RGMB: variants seen among roughly 807,000 people sequenced by gnomAD.
The protein encoded by RGMB is repulsive guidance molecule BMP co-receptor b, also known as repulsive guidance molecule B.
RGMB carries 16 observed loss-of-function variants against 26.9 expected under a neutral mutation model. The ratio of observed to expected loss-of-function variants is 0.60; its 90% CI spans 0.40 to 0.90. RGMB has a LOEUF of 0.90. Ranked by LOEUF, RGMB falls within the 40% of genes least tolerant of loss-of-function variation. The pLI is 0.00. For missense variants in RGMB, 512 were observed against 573.3 expected (o/e 0.89, Z 1.09); for synonymous variants, 225 against 229.3 (o/e 0.98, Z 0.17).
At chr5:98,783,711 A>T (rs768665597) in intron 2 of RGMB, among the ~76,000 whole-genome samples, 3 of 152,242 alleles carry the variant, frequency 2.0e-5, no homozygotes, top group Admixed American at 6.5e-5. Context: ...TTTATGAAAG[A>T]TTCTGCACTT....
At chr5:98,784,468 T>G (rs1194029016) in intron 2 of RGMB, among the ~76,000 whole-genome samples, 2 of 152,202 alleles carry the variant, frequency 1.3e-5, no homozygotes, top group African/African-American at 4.8e-5. Flanking sequence ...GAAACACCAT[T>G]ACCTTGTAGG....
At chr5:98,770,745 CTCCTT>C, upstream of RGMB, 4 of 939,380 alleles carry the variant, frequency 4.3e-6, no homozygotes, top group South Asian at 5.5e-5. Flanking sequence ...CTTATTTTCT[CTCCTT>C]TCCTTTCCTT....
intron 2 of RGMB, among the ~76,000 whole-genome samples, chr5:98,789,008 C>T (rs1214059233): frequency 6.6e-6 from 1 of 152,206 alleles, no homozygotes; most frequent in African/African-American, 2.4e-5. Context: ...TTCTATTTTT[C>T]AACCTATCAT....
Position 98,793,846 on chromosome 5 carries a change from G to GGTATATACA in RGMB, c.*93_*94insGTATATACA. The stretch of plus-strand genomic sequence containing the variant: ...ATATATTGAGTAAAAGAGTATATAT[G>GGTATATACA]TATATACCATGTATATGACAGGATG... On this transcript the variant is annotated 3_prime_UTR_variant, in exon 3 of 3. Coordinates refer to ENST00000513185, the MANE Select transcript of RGMB (RefSeq NM_001366508.1). The GGTATATACA allele has an allele frequency of 4.3e-6, 4 of 934,034 alleles. No individual in the cohort carries two copies. Among genetic ancestry groups the GGTATATACA allele is most frequent in the Non-Finnish European group, 6.2e-6 (4 of 640,666 alleles). 57.9% of individuals were successfully genotyped at this position (934,034 alleles called of 1,614,324 possible). A position where few individuals can be genotyped will look rare whatever the true frequency, so the allele number is the denominator to read the frequency against.
intron 2 of RGMB, among the ~76,000 whole-genome samples, chr5:98,789,518 C>T (rs1746862345): frequency 6.6e-6 from 1 of 151,834 alleles, no homozygotes; most frequent in African/African-American, 2.4e-5. Context: ...AGGCAGGTGC[C>T]TCTTAAAATT....
At chr5:98,787,187 AC>A (rs1746789966) in intron 2 of RGMB, among the ~76,000 whole-genome samples, 1 of 152,186 alleles carries the variant, frequency 6.6e-6, no homozygotes, top group African/African-American at 2.4e-5. Flanking sequence ...ATGCATGGTA[AC>A]CATTCTAACC....
chr5:98,776,066 A>C (rs1402646725), intron 1 of RGMB, among the ~76,000 whole-genome samples: 1 of 152,240 alleles, frequency 6.6e-6, no homozygotes, highest in African/African-American at 2.4e-5. Flanking sequence ...ATTCAGCTTC[A>C]GAATACCTCA....
At chr5:98,787,077 G>A (rs1450321645) in intron 2 of RGMB, among the ~76,000 whole-genome samples, 5 of 152,188 alleles carry the variant, frequency 3.3e-5, no homozygotes, top group Non-Finnish European at 7.3e-5. Flanking sequence ...GTACATGCAT[G>A]TGCTTTTACA....
At position 98,773,677 on chromosome 5, in the gene RGMB, G is replaced by A. The variant is rs2547972; in HGVS notation, c.-394G>A. On this transcript the variant is annotated 5_prime_UTR_variant, in exon 1 of 3. Coordinates refer to ENST00000513185, the MANE Select transcript of RGMB (RefSeq NM_001366508.1). ...GGGGCTGCCGCGCAGAGATATCCGG[G>A]CCGCCGGTGGGTGGTCGCTAGGGCT... The A allele has an allele frequency of 0.5, 176,953 of 356,186 alleles. 47,011 individuals carry two copies. Among genetic ancestry groups the A allele is most frequent in the East Asian group, 0.68 (16,057 of 23,654 alleles). 22.1% of individuals were successfully genotyped at this position (356,186 alleles called of 1,614,324 possible).
At chr5:98,772,855 T>C (rs913137301), upstream of RGMB, 2 of 152,188 alleles carry the variant, frequency 1.3e-5, no homozygotes, top group Non-Finnish European at 2.9e-5. Flanking sequence ...ATAATTACAC[T>C]GCATAAAAAC....
At position 98,796,289 on chromosome 5, in the gene RGMB, T is replaced by C. The variant is rs1017818449; in HGVS notation, c.*2536T>C. 1.4e-5 allele frequency: 2 copies of C among 147,816 alleles called. No individual in the cohort carries two copies. The highest frequency in any genetic ancestry group is 2.5e-5 in the African/African-American group (1 of 39,716). The allele number at this position is 147,816 out of a possible 1,614,324, so 9.2% of individuals were successfully genotyped here. A position where few individuals can be genotyped will look rare whatever the true frequency, so the allele number is the denominator to read the frequency against. On this transcript the variant is annotated 3_prime_UTR_variant, in exon 3 of 3. Transcript: ENST00000513185. ...CACAGATGCTCCACATGGCTGTCTT[T>C]AAAAGACTCAAAACTTTTTTTTGTC...
In RGMB at chr5:98,793,136, CA is replaced by C. The variant is rs752413869; in HGVS notation, c.699del (p.Ala234LeufsTer2). 2 of 1,613,812 alleles carry C rather than the reference CA, an allele frequency of 1.2e-6. No homozygotes were observed. Among genetic ancestry groups the C allele is most frequent in the Non-Finnish European group, 1.7e-6 (2 of 1,179,752 alleles). On this transcript the variant is annotated frameshift_variant, in exon 3 of 3. Coordinates refer to ENST00000513185, the MANE Select transcript of RGMB (RefSeq NM_001366508.1). LOFTEE classifies it high-confidence loss of function. ...TGAGTGTACAGATCAGAAAGTCTAC[CA>C]AGCTGTGACAGATGACCTGCCGGCC... ...HHECTDQKVY[Q>X]AVTDDLPAAF... is the part of the protein sequence containing the mutation.
intron 1 of RGMB, among the ~76,000 whole-genome samples, chr5:98,775,257 G>A (rs974762517): frequency 1.3e-5 from 2 of 152,108 alleles, no homozygotes; most frequent in African/African-American, 4.8e-5. Flanking sequence ...AAATCAGGGA[G>A]GTCTTTTAAG....
At chr5:98,768,632 G>T (rs1458211434), upstream of RGMB, 2 of 152,194 alleles carry the variant, frequency 1.3e-5, no homozygotes, top group African/African-American at 4.8e-5. Flanking sequence ...CTCATTCTTT[G>T]TAACACACTT....
At chr5:98,775,514 GTGTT>G (rs1239499200) in intron 1 of RGMB, among the ~76,000 whole-genome samples, 1 of 152,196 alleles carries the variant, frequency 6.6e-6, no homozygotes, top group African/African-American at 2.4e-5. Context: ...ATATTCAGGA[GTGTT>G]TGTGCGAAAA....
At chr5:98,775,499 A>G (rs1452131541) in intron 1 of RGMB, among the ~76,000 whole-genome samples, 1 of 152,220 alleles carries the variant, frequency 6.6e-6, no homozygotes, top group Non-Finnish European at 1.5e-5. Flanking sequence ...GACATGTTAA[A>G]AGATATATTC....
At position 98,774,132 on chromosome 5, in the gene RGMB, G is replaced by T; in HGVS notation, c.62G>T (p.Arg21Leu). The T allele has an allele frequency of 1.4e-6, 2 of 1,461,838 alleles. No individual in the cohort carries two copies. Among genetic ancestry groups the T allele is most frequent in the Non-Finnish European group, 9.1e-7 (1 of 1,096,118 alleles). The allele number at this position is 1,461,838 out of a possible 1,614,324, so 90.6% of individuals were successfully genotyped here. The change falls in exon 1 of 3, where the codon CGC (arginine) becomes CTC (leucine). Residue 21 changes from arginine to leucine, a missense_variant. By Grantham distance (102) the Arg-to-Leu change is moderately radical (BLOSUM62 -2). Transcript: ENST00000513185. ...GCCGCCGCCGAGGTTGAGCAGCGCCGCAGCCCCGGGCTCTGCCCCCCGCCG... is the reference window on the plus strand; with the variant it reads ...GCCGCCGCCGAGGTTGAGCAGCGCCTCAGCCCCGGGCTCTGCCCCCCGCCG... Reference protein sequence around the residue: ...AAAAAEVEQRRSPGLCPPPLE... With the variant: ...AAAAAEVEQRLSPGLCPPPLE...
chr5:98,773,043 A>C, upstream of RGMB: 1 of 151,922 alleles, frequency 6.6e-6, no homozygotes, highest in Non-Finnish European at 1.5e-5. Context: ...TCTGCTCCGG[A>C]CCGCGGGTGA....
rs929809089 is a variant in RGMB at position 98,796,470 on chromosome 5, TAA to T, written c.*2719_*2720del. 1 of 151,030 alleles carries T rather than the reference TAA, an allele frequency of 6.6e-6. No homozygotes were observed. Among genetic ancestry groups the T allele is most frequent in the Non-Finnish European group, 1.5e-5 (1 of 67,930 alleles). The allele number at this position is 151,030 out of a possible 1,614,324, so 9.4% of individuals were successfully genotyped here. A position where few individuals can be genotyped will look rare whatever the true frequency, so the allele number is the denominator to read the frequency against. On this transcript the variant is annotated 3_prime_UTR_variant, in exon 3 of 3. Transcript: ENST00000513185. ...ACTTTAAATTATTATGCTAGAAAAATAAAGTTACATACCTTGCTGTGGAATGT... is the reference window on the plus strand; with the variant it reads ...ACTTTAAATTATTATGCTAGAAAAATAGTTACATACCTTGCTGTGGAATGT...
Sources: gnomAD v4.1 joint callset for allele counts (sites outside exome capture counted in the v4.1 genomes callset) on GRCh38, gnomAD v4.1.1 for gene constraint, MANE v1.5 for transcripts, NCBI Gene and HGNC (gene_info 2026-07-23, HGNC 2026-07-21) for gene names.